The following RAD52 variants were observed in gnomAD, a reference collection of about 807,000 sequenced individuals.
The protein encoded by RAD52 is RAD52 DNA repair protein.
In RAD52, 47 loss-of-function variants were observed where a neutral mutation model predicts 55.5. The observed-to-expected ratio is 0.85, with a 90% CI of 0.67 to 1.08. RAD52 has a LOEUF of 1.08. Among genes scored for constraint, RAD52 ranks in the 50% least tolerant of loss-of-function variants. The pLI, the probability that RAD52 is intolerant of heterozygous loss-of-function variation, is 0.00. For synonymous variants in RAD52, 184 were observed against 198.9 expected (o/e 0.92, Z 0.63); for missense variants, 468 against 522.8 (o/e 0.90, Z 1.02).
chr12:928,318 C>T (rs973686581), intron 5 of RAD52, among the ~76,000 whole-genome samples: 2 of 152,126 alleles, frequency 1.3e-5, no homozygotes, highest in Admixed American at 1.3e-4. Flanking sequence ...TCCAGACCAG[C>T]CTGACCAACA....
chr12:913,224 C>CT lies in RAD52; in HGVS notation c.*166dup, dbSNP rs1956189541. 2 of 659,642 alleles carry CT rather than the reference C, an allele frequency of 3.0e-6. No individual in the cohort carries two copies. Among genetic ancestry groups the CT allele is most frequent in the Non-Finnish European group, 5.3e-6 (2 of 375,102 alleles). The allele number at this position is 659,642 out of a possible 1,614,324, so 40.9% of individuals were successfully genotyped here. ...ACAAGCTTTTCAAAAGTGCTCAGCTCTAACTGCAGTGGGCTCTCAGTCAGA... is the reference window on the plus strand; with the variant it reads ...ACAAGCTTTTCAAAAGTGCTCAGCTCTTAACTGCAGTGGGCTCTCAGTCAGA... On this transcript the variant is annotated 3_prime_UTR_variant, in exon 12 of 12. Coordinates refer to ENST00000358495, the MANE Select transcript of RAD52 (RefSeq NM_134424.4).
intron 1 of RAD52, among the ~76,000 whole-genome samples, chr12:938,799 G>T (rs1186299470): frequency 6.6e-6 from 1 of 152,098 alleles, no homozygotes; most frequent in Admixed American, 6.5e-5. Context: ...ATATTATTAG[G>T]ACAATGGGAG....
intron 1 of RAD52, among the ~76,000 whole-genome samples, chr12:948,202 C>G (rs952401948): frequency 6.6e-6 from 1 of 151,914 alleles, no homozygotes; most frequent in Admixed American, 6.6e-5. Context: ...AAACCAAACA[C>G]AAAAGAACAA....
intron 1 of RAD52, among the ~76,000 whole-genome samples, chr12:967,332 T>C (rs1165487186): frequency 6.6e-6 from 1 of 151,084 alleles, no homozygotes; most frequent in Admixed American, 6.6e-5. Flanking sequence ...TGAGCTGAGA[T>C]TGTACCACTG....
chr12:928,338 C>T (rs1052337452), intron 5 of RAD52, among the ~76,000 whole-genome samples: 1 of 151,980 alleles, frequency 6.6e-6, no homozygotes, highest in African/African-American at 2.4e-5. Context: ...ATGGAGAAAC[C>T]GCGTCTCTAC....
In RAD52 at chr12:916,452, C is replaced by T. The variant is rs1410408833; in HGVS notation, c.757G>A (p.Ala253Thr). ...SLSSSAVESE[A>T]THQRKLRQKQ... ...TGCCGGAGCTTCCGCTGGTGCGTGG[C>T]CTCGCTCTCCACGGCGGATGAGCTC... Residue 253 changes from alanine (A) to threonine (T), a missense_variant, in exon 9 of 12, where the codon GCC becomes ACC. By Grantham distance (58) the Ala-to-Thr change is moderately conservative. Coordinates refer to ENST00000358495, the MANE Select transcript of RAD52 (RefSeq NM_134424.4). 6 of 1,607,358 alleles carry T rather than the reference C, an allele frequency of 3.7e-6. No individual in the cohort carries two copies. Among genetic ancestry groups the T allele is most frequent in the Non-Finnish European group, 5.1e-6 (6 of 1,179,296 alleles).
At chr12:946,281 GA>G (rs963349558) in intron 1 of RAD52, among the ~76,000 whole-genome samples, 7 of 152,170 alleles carry the variant, frequency 4.6e-5, no homozygotes. Context: ...AAGCTGCAGA[GA>G]TGGAAAAATA....
At chr12:914,281 A>G in intron 10 of RAD52, 150 bp downstream of exon 10, 1 of 1,294,418 alleles carries the variant, frequency 7.7e-7, no homozygotes. Flanking sequence ...CCCTTTGGTT[A>G]GGACCAAAGA....
chr12:927,782 CTT>C (rs1278646334), intron 5 of RAD52, among the ~76,000 whole-genome samples: 1 of 151,992 alleles, frequency 6.6e-6, no homozygotes, highest in Non-Finnish European at 1.5e-5. Context: ...AGGAGAATCA[CTT>C]GAACCTGGGA....
chr12:948,156 T>A lies in RAD52; in HGVS notation c.-19+1446A>T, dbSNP rs116204969. Among the ~76,000 whole-genome samples, 869 of 152,074 alleles carry A rather than the reference T, an allele frequency of 5.7e-3. 7 individuals are homozygous for A. Among genetic ancestry groups the A allele is most frequent in the African/African-American group, 0.02 (819 of 41,476 alleles). ...AAAAATGAAGTTGATACATGCTACA[T>A]ACAACATAGATGGACTTTGAATCAT... On this transcript the variant is annotated intron_variant, in intron 1 of 11. Coordinates refer to ENST00000358495, the MANE Select transcript of RAD52 (RefSeq NM_134424.4).
At position 919,244 on chromosome 12, in the gene RAD52, G is replaced by C. The variant is rs537132980; in HGVS notation, c.544-2424C>G. ...GTGGATCACTTGAGGTCAGGAGTTT[G>C]AGATCACCCTGGCCAACATGGCGAA... On this transcript the variant is annotated intron_variant, in intron 7 of 11. Transcript: ENST00000358495. Among the ~76,000 whole-genome samples, 4 of 152,182 alleles carry C rather than the reference G, an allele frequency of 2.6e-5. No individual in the cohort carries two copies. The South Asian group carries it at 8.3e-4, about 32-fold the overall frequency.
chr12:983,410 ATTTTTTTT>A (rs58498697), intron 1 of RAD52, among the ~76,000 whole-genome samples: 88,848 of 122,230 alleles, frequency 0.73, 32,739 homozygotes, highest in East Asian at 0.96. Context: ...TTTCCTGAAG[ATTTTTTTT>A]TTTTTTTTTT....
intron 1 of RAD52, among the ~76,000 whole-genome samples, chr12:973,779 C>CTTTTTTTTTTTTTTTTTTTTTTTTT: frequency 7.3e-6 from 1 of 136,848 alleles, no homozygotes; most frequent in Non-Finnish European, 1.5e-5. Flanking sequence ...ACGCCCAGTC[C>CTTTTTTTTTTTTTTTTTTTTTTTTT]TTCTTTTTTT....
intron 3 of RAD52, among the ~76,000 whole-genome samples, chr12:930,982 A>AAT (rs992547804): frequency 4.6e-5 from 7 of 151,662 alleles, no homozygotes; most frequent in Non-Finnish European, 1.0e-4. Flanking sequence ...AAAAATAAAA[A>AAT]AAAAAAAAGA....
chr12:953,002 G>A (rs1350645332), upstream of RAD52, among the ~76,000 whole-genome samples: 7 of 3,526 alleles, frequency 2.0e-3, no homozygotes, highest in African/African-American at 4.3e-3. Context: ...GAGAGGGGGA[G>A]GGGAGGGGGA....
At chr12:950,916 C>T (rs1348778551), upstream of RAD52, among the ~76,000 whole-genome samples, 3 of 151,860 alleles carry the variant, frequency 2.0e-5, no homozygotes, top group Non-Finnish European at 4.4e-5. Flanking sequence ...TATTCCCCAG[C>T]CTCTGGGGAA....
chr12:934,987 C>T (rs1397169630), intron 1 of RAD52, among the ~76,000 whole-genome samples: 4 of 151,672 alleles, frequency 2.6e-5, no homozygotes, highest in African/African-American at 9.7e-5. Flanking sequence ...TGGTGGCAGG[C>T]GCCTGTAGTC....
intron 1 of RAD52, among the ~76,000 whole-genome samples, chr12:965,931 G>A (rs370741362): frequency 1.1e-4 from 17 of 151,936 alleles, no homozygotes; most frequent in South Asian, 6.2e-4. Context: ...TGATCCTCCC[G>A]CCTTGGCCTC....
At chr12:983,894 G>A (rs1210423744) in intron 1 of RAD52, among the ~76,000 whole-genome samples, 1 of 152,170 alleles carries the variant, frequency 6.6e-6, no homozygotes, top group African/African-American at 2.4e-5. Flanking sequence ...CTGGGAGTTA[G>A]GGCTTCAACA....
Sources: allele counts gnomAD v4.1 joint callset (sites outside exome capture counted in the v4.1 genomes callset), GRCh38; gene constraint gnomAD v4.1.1; transcripts MANE v1.5; gene names NCBI Gene and HGNC (gene_info 2026-07-23, HGNC 2026-07-21).